The following PEAK1 variants were observed in gnomAD, a reference collection of about 807,000 sequenced individuals.
The protein encoded by PEAK1 is inactive tyrosine-protein kinase PEAK1.
A neutral mutation model predicts 124.7 loss-of-function variants in PEAK1; 54 were observed. The observed-to-expected ratio is 0.43, with a 90% CI of 0.35 to 0.54. The LOEUF (loss-of-function observed/expected upper bound fraction) is 0.54, where lower values mean the gene tolerates loss of function less well. Ranked by LOEUF, PEAK1 falls within the 20% of genes least tolerant of loss-of-function variation. The probability of loss-of-function intolerance (pLI) is 0.01; values close to 1 mark genes in which losing one functional copy is unlikely to be tolerated. For synonymous variants in PEAK1, 719 were observed against 760.0 expected (o/e 0.95, Z 0.89); for missense variants, 2,046 against 2,134.5 (o/e 0.96, Z 0.82).
At chr15:77,178,706 T>C (rs752322430) in intron 7 of PEAK1, 84 bp downstream of exon 7, 26 of 1,322,614 alleles carry the variant, frequency 2.0e-5, no homozygotes, top group Non-Finnish European at 2.6e-5. Context: ...AAATGGTTCT[T>C]ATGCAATCTT....
At chr15:77,402,166 C>T (rs2071423422) in intron 1 of PEAK1, 6 of 525,482 alleles carry the variant, frequency 1.1e-5, no homozygotes, top group African/African-American at 1.2e-4. Flanking sequence ...CACTCCACCT[C>T]GGAAAAAAAA....
intron 6 of PEAK1, among the ~76,000 whole-genome samples, chr15:77,233,538 T>C (rs2059993221): frequency 6.6e-6 from 1 of 152,206 alleles, no homozygotes; most frequent in African/African-American, 2.4e-5. Context: ...TTCTCAGTGT[T>C]GGAGTGACCA....
At chr15:77,296,197 C>T (rs186448060) in intron 2 of PEAK1, among the ~76,000 whole-genome samples, 120 of 152,168 alleles carry the variant, frequency 7.9e-4, no homozygotes, top group Admixed American at 2.0e-3. Context: ...GGTAAGGATG[C>T]CTTATCTTCT....
In PEAK1 at chr15:77,402,956, T is replaced by C. The variant is rs955554855; in HGVS notation, c.-666+17050A>G. The C allele has an allele frequency of 4.1e-6, 4 of 985,312 alleles. No individual in the cohort carries two copies. The Admixed American group carries it at 1.8e-4, about 45-fold the overall frequency. The allele number at this position is 985,312 out of a possible 1,614,324, so 61.0% of individuals were successfully genotyped here. Reference sequence around the variant, plus strand: ...AGCTTATGTTTTCATGAAGATCACTTTGAAATGCAGTTCTGGGTAGACATT... The same window carrying C: ...AGCTTATGTTTTCATGAAGATCACTCTGAAATGCAGTTCTGGGTAGACATT... On this transcript the variant is annotated intron_variant, in intron 1 of 9. Coordinates refer to ENST00000682557, the MANE Select transcript of PEAK1 (RefSeq NM_001385026.1).
chr15:77,385,620 A>G (rs767872206), intron 1 of PEAK1, among the ~76,000 whole-genome samples: 2 of 152,208 alleles, frequency 1.3e-5, no homozygotes, highest in Non-Finnish European at 2.9e-5. Context: ...AAGGAAGGCT[A>G]TCTGGGGACT....
At chr15:77,407,912 T>C (rs149418102) in intron 1 of PEAK1, among the ~76,000 whole-genome samples, 1,112 of 90,188 alleles carry the variant, frequency 0.012, 16 homozygotes, top group African/African-American at 0.032. Context: ...CACATATATA[T>C]ACACATATAT....
In PEAK1 at chr15:77,175,803, C is replaced by T. The variant is rs201667426; in HGVS notation, c.3137+2987G>A. ...ATGCTGCTATAAAGACACATGCACA[C>T]GTATGTTTATTGCGGCATTATTCAC... On this transcript the variant is annotated intron_variant, in intron 7 of 9. Coordinates refer to ENST00000682557, the MANE Select transcript of PEAK1 (RefSeq NM_001385026.1). 2.8e-3 allele frequency among the ~76,000 whole-genome samples: 419 copies of T among 151,990 alleles called. 3 individuals carry two copies. The highest frequency in any genetic ancestry group is 5.6e-3 in the East Asian group (29 of 5,172).
intron 2 of PEAK1, among the ~76,000 whole-genome samples, chr15:77,359,079 T>C (rs1057403963): frequency 6.6e-6 from 1 of 152,178 alleles, no homozygotes; most frequent in African/African-American, 2.4e-5. Context: ...TGGGCAGTTA[T>C]GAAATACCCA....
At chr15:77,105,138 T>A (rs1338280491), downstream of PEAK1, 1 of 152,248 alleles carries the variant, frequency 6.6e-6, no homozygotes, top group Admixed American at 6.5e-5. Flanking sequence ...TGGTGAGCAT[T>A]GGGTGGTCCT....
At chr15:77,221,579 A>G (rs1396304771) in intron 6 of PEAK1, among the ~76,000 whole-genome samples, 1 of 152,090 alleles carries the variant, frequency 6.6e-6, no homozygotes, top group Non-Finnish European at 1.5e-5. Context: ...CATTTATATA[A>G]TATAGCTAAT....
chr15:77,404,740 A>G (rs2071667612), intron 1 of PEAK1: 2 of 951,170 alleles, frequency 2.1e-6, no homozygotes, highest in African/African-American at 3.5e-5. Flanking sequence ...TATTAATGAT[A>G]AAGTCTATGA....
intron 7 of PEAK1, among the ~76,000 whole-genome samples, chr15:77,162,388 G>T (rs2055731734): frequency 6.6e-6 from 1 of 151,564 alleles, no homozygotes; most frequent in South Asian, 2.1e-4. Flanking sequence ...CAGGTATCGG[G>T]GAGGCCGAGG....
chr15:77,354,011 G>A (rs776939162), intron 2 of PEAK1, among the ~76,000 whole-genome samples: 2 of 152,116 alleles, frequency 1.3e-5, no homozygotes, highest in Non-Finnish European at 2.9e-5. Context: ...AAATGTCCCT[G>A]AGGATTTTGT....
intron 6 of PEAK1, among the ~76,000 whole-genome samples, chr15:77,250,396 G>A (rs924591929): frequency 2.1e-4 from 31 of 150,306 alleles, no homozygotes; most frequent in African/African-American, 6.6e-4. Flanking sequence ...ACAGGCATGC[G>A]CCACCACACC....
chr15:77,216,471 C>A (rs1003763340), intron 6 of PEAK1, among the ~76,000 whole-genome samples: 24 of 152,182 alleles, frequency 1.6e-4, no homozygotes, highest in African/African-American at 5.6e-4. Flanking sequence ...GAACAAACAT[C>A]AACTTTATAG....
intron 2 of PEAK1, among the ~76,000 whole-genome samples, chr15:77,343,678 A>G (rs372803798): frequency 2.5e-4 from 38 of 151,626 alleles, no homozygotes; most frequent in East Asian, 1.6e-3. Flanking sequence ...TACAGATGGG[A>G]TTTCACCATG....
chr15:77,283,856 A>C, intron 5 of PEAK1, 27 bp downstream of exon 5: 3 of 962,696 alleles, frequency 3.1e-6, no homozygotes, highest in Non-Finnish European at 3.7e-6. Context: ...ATCAACTCAT[A>C]GACCTTATTA....
intron 1 of PEAK1, among the ~76,000 whole-genome samples, chr15:77,371,682 G>T (rs1341422969): frequency 1.3e-5 from 2 of 152,190 alleles, no homozygotes; most frequent in African/African-American, 4.8e-5. Context: ...GAGGTCCAGA[G>T]TTCAAGACCA....
At chr15:77,318,631 TAA>T (rs1435355915) in intron 2 of PEAK1, among the ~76,000 whole-genome samples, 2 of 152,058 alleles carry the variant, frequency 1.3e-5, no homozygotes, top group Non-Finnish European at 2.9e-5. Flanking sequence ...CATTAATTTA[TAA>T]GTTATAATTT....
Sources: allele counts gnomAD v4.1 joint callset (sites outside exome capture counted in the v4.1 genomes callset), GRCh38; gene constraint gnomAD v4.1.1; transcripts MANE v1.5; gene names NCBI Gene and HGNC (gene_info 2026-07-23, HGNC 2026-07-21).